MKRN1: variants seen among roughly 807,000 people sequenced by gnomAD.
MKRN1 encodes makorin ring finger protein 1, also known as E3 ubiquitin-protein ligase makorin-1.
MKRN1 carries 9 observed loss-of-function variants against 55.5 expected under a neutral mutation model. That is an observed-to-expected ratio of 0.16 (90% confidence interval 0.10 to 0.28). The LOEUF (loss-of-function observed/expected upper bound fraction) is 0.28. Among genes scored for constraint, MKRN1 ranks in the 10% least tolerant of loss-of-function variants. The probability of loss-of-function intolerance (pLI) is 1.00; values close to 1 mark genes in which losing one functional copy is unlikely to be tolerated. For missense variants in MKRN1, 488 were observed against 626.7 expected, an observed-to-expected ratio of 0.78 and a Z score of 2.36; for synonymous variants, 253 against 235.9, an observed-to-expected ratio of 1.07 and a Z score of -0.66.
At chr7:140,475,637 C>T (rs142761884) in intron 1 of MKRN1, among the ~76,000 whole-genome samples, 84 of 152,150 alleles carry the variant, frequency 5.5e-4, no homozygotes, top group Non-Finnish European at 1.3e-4. Flanking sequence ...GCATTCCAGC[C>T]TAGGGGACAG....
In MKRN1 at chr7:140,453,836, C is replaced by T. The variant is rs538954705; in HGVS notation, c.*681G>A. 1.3e-5 allele frequency: 2 copies of T among 155,724 alleles called. No individual in the cohort carries two copies. Among genetic ancestry groups the T allele is most frequent in the East Asian group, 3.8e-4 (2 of 5,238 alleles). 9.6% of individuals were successfully genotyped at this position (155,724 alleles called of 1,614,324 possible). A position where few individuals can be genotyped will look rare whatever the true frequency, so the allele number is the denominator to read the frequency against. Reference sequence around the variant, plus strand: ...TCAGCCCTTGGGAGCCAACTTCCAACTCTGCATTGATGTTATGCCTCTCTA... The same window carrying T: ...TCAGCCCTTGGGAGCCAACTTCCAATTCTGCATTGATGTTATGCCTCTCTA... On this transcript the variant is annotated 3_prime_UTR_variant, in exon 8 of 8. Transcript: ENST00000255977.
chr7:140,473,687 T>C (rs1192767064), intron 1 of MKRN1: 2 of 152,698 alleles, frequency 1.3e-5, no homozygotes, highest in Non-Finnish European at 2.9e-5. Context: ...GCACATAATA[T>C]ATACTTGTTA....
At chr7:140,477,451 G>C (rs1795158719) in intron 1 of MKRN1, among the ~76,000 whole-genome samples, 1 of 152,146 alleles carries the variant, frequency 6.6e-6, no homozygotes, top group South Asian at 2.1e-4. Flanking sequence ...CTCCGGAGTA[G>C]CTGAGATTAC....
chr7:140,456,128 T>G, intron 5 of MKRN1: 2 of 1,124,784 alleles, frequency 1.8e-6, no homozygotes, highest in Non-Finnish European at 2.3e-6. Context: ...TTTTTTTTTT[T>G]GAAAAATATA....
At chr7:140,456,229 T>C (rs1794462659) in intron 5 of MKRN1, 1 of 1,152,620 alleles carries the variant, frequency 8.7e-7, no homozygotes. Flanking sequence ...AGCTTTGCTC[T>C]GTTTAGATTA....
At chr7:140,476,558 TTA>T (rs1388788231) in intron 1 of MKRN1, among the ~76,000 whole-genome samples, 1 of 150,614 alleles carries the variant, frequency 6.6e-6, no homozygotes, top group African/African-American at 2.4e-5. Flanking sequence ...TTTTTTTTTT[TTA>T]ATGAAAGCAG....
At chr7:140,464,413 A>T (rs1330427032) in intron 2 of MKRN1, among the ~76,000 whole-genome samples, 2 of 152,000 alleles carry the variant, frequency 1.3e-5, no homozygotes, top group Non-Finnish European at 2.9e-5. Flanking sequence ...TCCCTTAAAA[A>T]ACAAAATAAG....
intron 2 of MKRN1, among the ~76,000 whole-genome samples, chr7:140,464,120 T>C (rs1019758565): frequency 6.6e-6 from 1 of 151,728 alleles, no homozygotes; most frequent in African/African-American, 2.4e-5. Context: ...GGTTTCACCA[T>C]GTTGGCCAGG....
intron 5 of MKRN1, 101 bp from the exon 6 acceptor site, chr7:140,456,001 T>C (rs1794456139): frequency 8.8e-7 from 1 of 1,137,082 alleles, no homozygotes; most frequent in Non-Finnish European, 1.3e-6. Flanking sequence ...AAGACTTAAC[T>C]GAAAGGCACG....
chr7:140,455,724 T>A (rs1186595892), intron 6 of MKRN1, 66 bp downstream of exon 6: 1 of 1,309,282 alleles, frequency 7.6e-7, no homozygotes, highest in Non-Finnish European at 1.1e-6. Flanking sequence ...TGCAGCACCA[T>A]TCTTTTCAAA....
chr7:140,465,912 T>G (rs1794751639), intron 2 of MKRN1, among the ~76,000 whole-genome samples: 1 of 151,960 alleles, frequency 6.6e-6, no homozygotes, highest in African/African-American at 2.4e-5. Flanking sequence ...AAACCCTGTC[T>G]TTACTAAAAT....
In MKRN1 at chr7:140,462,318, G is replaced by A. The variant is rs374700056; in HGVS notation, c.315-2382C>T. On this transcript the variant is annotated intron_variant, in intron 2 of 7. Transcript: ENST00000255977. ...TGATAGGCATGAGCCACCGTGCTCG[G>A]CACACCGAGTTTTATTCAGATGCTA... Among the ~76,000 whole-genome samples the A allele has an allele frequency of 6.6e-5, 10 of 152,264 alleles. No individual in the cohort carries two copies. In the East Asian group the frequency reaches 1.7e-3, roughly 26 times the overall value.
At chr7:140,464,278 CCTATAATTCCAG>C (rs1162136457) in intron 2 of MKRN1, among the ~76,000 whole-genome samples, 1 of 152,154 alleles carries the variant, frequency 6.6e-6, no homozygotes, top group Non-Finnish European at 1.5e-5. Flanking sequence ...ATGGCTCCAG[CCTATAATTCCAG>C]CTAGTTGGGA....
chr7:140,471,236 A>G (rs1412353923), intron 2 of MKRN1, among the ~76,000 whole-genome samples: 3 of 151,582 alleles, frequency 2.0e-5, no homozygotes, highest in African/African-American at 7.3e-5. Flanking sequence ...AACTAAATAA[A>G]TGAGGTGGTG....
chr7:140,470,991 C>G (rs766960735), intron 2 of MKRN1, among the ~76,000 whole-genome samples: 3 of 152,098 alleles, frequency 2.0e-5, no homozygotes, highest in Non-Finnish European at 4.4e-5. Context: ...ACTGCCATCT[C>G]ATAAGTGTCT....
intron 2 of MKRN1, among the ~76,000 whole-genome samples, chr7:140,467,774 G>A (rs981630232): frequency 4.0e-5 from 6 of 151,644 alleles, no homozygotes; most frequent in African/African-American, 9.7e-5. Flanking sequence ...AGGCTGAGGC[G>A]GGCGGATCAC....
chr7:140,463,151 A>T (rs1455970846), intron 2 of MKRN1, among the ~76,000 whole-genome samples: 1 of 152,224 alleles, frequency 6.6e-6, no homozygotes, highest in Non-Finnish European at 1.5e-5. Context: ...GCCTTGCAGC[A>T]AAAGTAAGCT....
At chr7:140,464,281 A>T (rs968907802) in intron 2 of MKRN1, among the ~76,000 whole-genome samples, 3 of 152,142 alleles carry the variant, frequency 2.0e-5, no homozygotes, top group African/African-American at 7.2e-5. Flanking sequence ...GCTCCAGCCT[A>T]TAATTCCAGC....
intron 1 of MKRN1, among the ~76,000 whole-genome samples, chr7:140,474,005 A>AAAAAAAAGAAAG (rs1336764327): frequency 1.5e-5 from 1 of 65,666 alleles, no homozygotes; most frequent in Non-Finnish European, 2.7e-5. Flanking sequence ...AAAAAAAAAA[A>AAAAAAAAGAAAG]AAAGAAAGAA....
Sources: allele counts gnomAD v4.1 joint callset (sites outside exome capture counted in the v4.1 genomes callset), GRCh38; gene constraint gnomAD v4.1.1; transcripts MANE v1.5; gene names NCBI Gene and HGNC (gene_info 2026-07-23, HGNC 2026-07-21).